The following SNX1 variants were observed in gnomAD, a reference collection of about 807,000 sequenced individuals.
The protein encoded by SNX1 is sorting nexin 1, also known as sorting nexin-1.
Under a neutral mutation model 71.8 loss-of-function variants are expected in SNX1, and 36 were observed. The observed-to-expected ratio is 0.50, with a 90% CI of 0.38 to 0.66. The LOEUF (loss-of-function observed/expected upper bound fraction) is 0.66. Ranked by LOEUF, SNX1 falls within the 30% of genes least tolerant of loss-of-function variation. The pLI is 0.00. For synonymous variants in SNX1, 254 were observed against 240.7 expected (o/e 1.06, Z -0.51); for missense variants, 612 against 646.7 (o/e 0.95, Z 0.58).
chr15:64,103,357 C>T (rs2080984344), intron 1 of SNX1, among the ~76,000 whole-genome samples: 1 of 152,132 alleles, frequency 6.6e-6, no homozygotes, highest in Non-Finnish European at 1.5e-5. Flanking sequence ...ATATCCTTGC[C>T]AGCATTTGTT....
Position 64,134,556 on chromosome 15 carries a change from C to T in SNX1, c.1222-108C>T. On this transcript the variant is annotated intron_variant, in intron 11 of 14. Transcript: ENST00000559844. The surrounding 1 kb of genome is among the most constrained non-coding windows in gnomAD (Gnocchi z 4.1). ...CTAACATGTGGCTGCAGAACCTGCC[C>T]TTGCTCAGTCTGTCCCTGGTGCAGC... 7.4e-7 allele frequency: 1 copy of T among 1,356,510 alleles called. No individual in the cohort carries two copies. Among genetic ancestry groups the T allele is most frequent in the Non-Finnish European group, 1.0e-6 (1 of 999,590 alleles). The allele number at this position is 1,356,510 out of a possible 1,614,324, so 84.0% of individuals were successfully genotyped here. A position where few individuals can be genotyped will look rare whatever the true frequency, so the allele number is the denominator to read the frequency against.
chr15:64,114,576 A>G (rs1304446721), intron 2 of SNX1, among the ~76,000 whole-genome samples: 43 of 152,202 alleles, frequency 2.8e-4, no homozygotes, highest in Admixed American at 2.8e-3. Context: ...AGAGCTGGAC[A>G]TATGGGAATC....
rs149213544 is a variant in SNX1, at chr15:64,133,429, T to C, written c.1222-1235T>C. On this transcript the variant is annotated intron_variant, in intron 11 of 14. Coordinates refer to ENST00000559844, the MANE Select transcript of SNX1 (RefSeq NM_003099.5). ...GGCAAAAGCCTGTGCTGAGGAGGCA[T>C]AGACAATATGCAGGGAAGGTTGGGG... 0.022 allele frequency among the ~76,000 whole-genome samples: 3,385 copies of C among 152,278 alleles called. 260 individuals are homozygous for C. In the South Asian group the frequency reaches 0.29, roughly 13 times the overall value.
intron 2 of SNX1, among the ~76,000 whole-genome samples, chr15:64,115,397 T>C (rs2081118579): frequency 6.6e-6 from 1 of 152,044 alleles, no homozygotes; most frequent in Non-Finnish European, 1.5e-5. Context: ...AACGTTCTGA[T>C]ATCATTTTTA....
At position 64,126,174 on chromosome 15, in the gene SNX1, T is replaced by C. The variant is rs1464561040; in HGVS notation, c.606T>C (p.Ser202=). The change falls in exon 6 of 15, where the codon TCT becomes TCC. Residue 202 remains serine, a synonymous_variant. Transcript: ENST00000559844. ...ATGAGAAGCTTTCCGAGAAGCACTC[T>C]CAGAATGGCTTCATTGTCCCTCCGC... is the stretch of plus-strand genomic sequence containing the variant. ...GLYEKLSEKH[S]QNGFIVPPPP... 2 of 1,614,050 alleles carry C rather than the reference T, an allele frequency of 1.2e-6. No homozygotes were observed. Among genetic ancestry groups the C allele is most frequent in the African/African-American group, 2.7e-5 (2 of 74,936 alleles).
chr15:64,135,201 T>C (rs969034908), intron 12 of SNX1, among the ~76,000 whole-genome samples: 7 of 151,968 alleles, frequency 4.6e-5, no homozygotes, highest in Admixed American at 3.9e-4. Flanking sequence ...CACTGCAAGC[T>C]CTGCCTCCTG....
At chr15:64,135,485 C>T (rs1397886645) in intron 12 of SNX1, among the ~76,000 whole-genome samples, 6 of 146,702 alleles carry the variant, frequency 4.1e-5, no homozygotes, top group African/African-American at 1.0e-4. Flanking sequence ...GGGCTGGGCA[C>T]GGTGGCTCAC....
intron 13 of SNX1, 101 bp from the exon 14 acceptor site, chr15:64,136,760 C>T: frequency 1.2e-6 from 1 of 846,250 alleles, no homozygotes; most frequent in Non-Finnish European, 1.9e-6. Flanking sequence ...GCTGCCTCTA[C>T]TTTCTGAGAC....
At chr15:64,128,739 C>T (rs1362523534) in intron 8 of SNX1, among the ~76,000 whole-genome samples, 1 of 152,190 alleles carries the variant, frequency 6.6e-6, no homozygotes, top group East Asian at 1.9e-4. Flanking sequence ...ACTCCATACC[C>T]CTAAGCAGGG....
rs1306035544 is a variant in SNX1 at position 64,137,986 on chromosome 15, A to G, written c.*368A>G. On this transcript the variant is annotated 3_prime_UTR_variant, in exon 15 of 15. Transcript: ENST00000559844. ...GATGGTGCCATGAAAAGGTTATGTA[A>G]TAAAATATTTTAAAATCAGGTCACA... The G allele has an allele frequency of 6.8e-7, 1 of 1,468,556 alleles. No individual in the cohort carries two copies. The highest frequency in any genetic ancestry group is 8.9e-7 in the Non-Finnish European group (1 of 1,118,008). 91.0% of individuals were successfully genotyped at this position (1,468,556 alleles called of 1,614,324 possible).
At chr15:64,110,450 G>A (rs761259229) in intron 1 of SNX1, among the ~76,000 whole-genome samples, 1 of 152,200 alleles carries the variant, frequency 6.6e-6, no homozygotes, top group Non-Finnish European at 1.5e-5. Flanking sequence ...AGGCTGGAGT[G>A]TAGTGGTGTG....
chr15:64,134,788 C>T lies in SNX1; in HGVS notation c.1346C>T (p.Ala449Val). ...AACAAGCCTGATAAGCTGCAGCAGG[C>T]CAAGGACGAGATCCTCGAGGTGAGT... is the stretch of plus-strand genomic sequence containing the variant. ...WANKPDKLQQ[A>V]KDEILEWESR... Residue 449 changes from alanine (A) to valine (V), a missense_variant, in exon 12 of 15, where the codon GCC becomes GTC. This residue lies in a region of SNX1 where 296 missense variants were observed against 361.9 expected (regional missense o/e 0.82). Transcript: ENST00000559844. The surrounding 1 kb of genome is among the most constrained non-coding windows in gnomAD (Gnocchi z 4.1). 6.2e-7 allele frequency: 1 copy of T among 1,613,950 alleles called. No individual in the cohort carries two copies. Among genetic ancestry groups the T allele is most frequent in the Non-Finnish European group, 8.5e-7 (1 of 1,180,024 alleles).
At chr15:64,103,935 T>G (rs1461230113) in intron 1 of SNX1, among the ~76,000 whole-genome samples, 2 of 152,208 alleles carry the variant, frequency 1.3e-5, no homozygotes, top group African/African-American at 4.8e-5. Flanking sequence ...TGGTAAAAAT[T>G]CTAGTGTGTA....
chr15:64,120,674 C>G (rs1261087963), intron 4 of SNX1, among the ~76,000 whole-genome samples: 1 of 151,870 alleles, frequency 6.6e-6, no homozygotes, highest in Non-Finnish European at 1.5e-5. Context: ...AGCCCTGTCT[C>G]TACAAAAAAA....
intron 1 of SNX1, 32 bp from the exon 2 acceptor site, chr15:64,112,541 A>T: frequency 6.8e-7 from 1 of 1,473,692 alleles, no homozygotes; most frequent in Non-Finnish European, 9.3e-7. Flanking sequence ...TTTCATGGTA[A>T]TGTTTTATTC....
chr15:64,141,691 TGATAGGA>T lies in SNX1; in HGVS notation c.*4074_*4080del. 1 of 152,454 alleles carries T rather than the reference TGATAGGA, an allele frequency of 6.6e-6. No homozygotes were observed. Among genetic ancestry groups the T allele is most frequent in the East Asian group, 1.9e-4 (1 of 5,190 alleles). 9.4% of individuals were successfully genotyped at this position (152,454 alleles called of 1,614,324 possible). A position where few individuals can be genotyped will look rare whatever the true frequency, so the allele number is the denominator to read the frequency against. ...GCAGGAGCCACATCACATGGGTGTC[TGATAGGA>T]CCTGGGAGGCGCTTTCCACATTACC... On this transcript the variant is annotated 3_prime_UTR_variant, in exon 15 of 15. Coordinates refer to ENST00000559844, the MANE Select transcript of SNX1 (RefSeq NM_003099.5). The surrounding 1 kb of genome is among the most constrained non-coding windows in gnomAD (Gnocchi z 5.1).
At chr15:64,130,347 A>G in intron 10 of SNX1, 26 bp downstream of exon 10, 1 of 1,576,380 alleles carries the variant, frequency 6.3e-7, no homozygotes, top group South Asian at 1.1e-5. Flanking sequence ...ATGCACTTGG[A>G]GCTAGGGGAA....
Position 64,138,217 on chromosome 15 carries a change from A to G in SNX1, c.*599A>G. ...TTCTGAGGGTCTCAATCTGTTTCGT[A>G]TTCCCACTTCTTTAGGGAAGGAGTT... is the stretch of plus-strand genomic sequence containing the variant. On this transcript the variant is annotated 3_prime_UTR_variant, in exon 15 of 15. Transcript: ENST00000559844. 1 of 1,505,226 alleles carries G rather than the reference A, an allele frequency of 6.6e-7. No individual in the cohort carries two copies. The highest frequency in any genetic ancestry group is 1.3e-5 in the South Asian group (1 of 78,266). 93.2% of individuals were successfully genotyped at this position (1,505,226 alleles called of 1,614,324 possible). A position where few individuals can be genotyped will look rare whatever the true frequency, so the allele number is the denominator to read the frequency against.
chr15:64,134,972 T>TGA lies in SNX1; in HGVS notation c.1365+167_1365+168dup. On this transcript the variant is annotated intron_variant, in intron 12 of 14. Coordinates refer to ENST00000559844, the MANE Select transcript of SNX1 (RefSeq NM_003099.5). This position sits in a 1 kb window ranked among gnomAD's most constrained non-coding sequence, Gnocchi z 4.1. ...CTCTGAGAATGACTCCAGGCCTTCC[T>TGA]GAGGCCTAGTCCCCCTGTTCTTTTT... is the stretch of plus-strand genomic sequence containing the variant. The TGA allele has an allele frequency of 2.6e-6, 2 of 782,352 alleles. No homozygotes were observed. Among genetic ancestry groups the TGA allele is most frequent in the Non-Finnish European group, 4.0e-6 (2 of 503,468 alleles). 48.5% of individuals were successfully genotyped at this position (782,352 alleles called of 1,614,324 possible).
Sources: gnomAD v4.1 joint callset for allele counts (sites outside exome capture counted in the v4.1 genomes callset) on GRCh38, gnomAD v4.1.1 for gene constraint, gnomAD v4.1.1 regional missense constraint, Gnocchi (gnomAD v3.1) non-coding constraint, MANE v1.5 for transcripts, NCBI Gene and HGNC (gene_info 2026-07-23, HGNC 2026-07-21) for gene names.